Variants in TTC33 observed in about 807,000 individuals in gnomAD.
The protein encoded by TTC33 is tetratricopeptide repeat protein 33.
In TTC33, 24 loss-of-function variants were observed where a neutral mutation model predicts 29.4. That is an observed-to-expected ratio of 0.82 (90% confidence interval 0.59 to 1.15). The LOEUF (loss-of-function observed/expected upper bound fraction) is 1.15, where lower values mean the gene tolerates loss of function less well. TTC33 is among the 50% of genes most tolerant of loss of function. TTC33 has a pLI of 0.00. For synonymous variants in TTC33, 107 were observed against 100.3 expected (o/e 1.07, Z -0.40); for missense variants, 286 against 310.4 (o/e 0.92, Z 0.59).
intron 4 of TTC33, among the ~76,000 whole-genome samples, chr5:40,722,247 G>C (rs952669103): frequency 2.0e-5 from 3 of 152,098 alleles, no homozygotes; most frequent in African/African-American, 7.2e-5. Context: ...GCGTGATCTC[G>C]GCTCGCTGCA....
At chr5:40,724,783 T>TA (rs1742240913) in intron 4 of TTC33, among the ~76,000 whole-genome samples, 1 of 151,680 alleles carries the variant, frequency 6.6e-6, no homozygotes, top group South Asian at 2.1e-4. Flanking sequence ...TATTCAATTA[T>TA]AAAAAAGATA....
chr5:40,754,509 ACT>A (rs1742950730), intron 1 of TTC33, among the ~76,000 whole-genome samples: 1 of 152,226 alleles, frequency 6.6e-6, no homozygotes, highest in South Asian at 2.1e-4. Context: ...TAAAATAGTC[ACT>A]GTGGAGATAA....
intron 2 of TTC33, among the ~76,000 whole-genome samples, chr5:40,746,330 T>C (rs1742787157): frequency 6.6e-6 from 1 of 152,198 alleles, no homozygotes; most frequent in Non-Finnish European, 1.5e-5. Context: ...GTACAGCAAG[T>C]CATATTTACT....
At chr5:40,723,471 C>G (rs1458346775) in intron 4 of TTC33, among the ~76,000 whole-genome samples, 2 of 149,434 alleles carry the variant, frequency 1.3e-5, no homozygotes, top group Non-Finnish European at 3.0e-5. Flanking sequence ...TTAAAAACCT[C>G]AAAGCATAGG....
At chr5:40,723,113 G>C (rs914863892) in intron 4 of TTC33, among the ~76,000 whole-genome samples, 2 of 152,170 alleles carry the variant, frequency 1.3e-5, no homozygotes, top group African/African-American at 4.8e-5. Context: ...GCCTTGGGAT[G>C]CTGTTAATCT....
chr5:40,738,269 A>C (rs966668376), intron 2 of TTC33, among the ~76,000 whole-genome samples: 1 of 151,656 alleles, frequency 6.6e-6, no homozygotes, highest in African/African-American at 2.4e-5. Context: ...AAAATTAGCC[A>C]GGCATAGAGT....
Position 40,746,957 on chromosome 5 carries a change from T to C in TTC33, c.62A>G (p.Gln21Arg). ...GEKVSKVTSQQFEAEAADEKD... is the reference protein window; with the variant it reads ...GEKVSKVTSQRFEAEAADEKD... Reference sequence around the variant, plus strand: ...CTCATCAGCAGCTTCAGCTTCAAACTGCTGGGAAGTGACCTTTGAGACCTT... The same window carrying C: ...CTCATCAGCAGCTTCAGCTTCAAACCGCTGGGAAGTGACCTTTGAGACCTT... The change falls in exon 2 of 5, where the codon CAG becomes CGG. Residue 21 changes from glutamine to arginine, a missense_variant. Gln to Arg is a conservative substitution (Grantham distance 43). Transcript: ENST00000337702. 1 of 1,614,230 alleles carries C rather than the reference T, an allele frequency of 6.2e-7. No individual in the cohort carries two copies.
intron 2 of TTC33, among the ~76,000 whole-genome samples, chr5:40,745,993 C>G (rs1742781553): frequency 6.6e-6 from 1 of 152,100 alleles, no homozygotes; most frequent in African/African-American, 2.4e-5. Context: ...ATATTTTCTT[C>G]TATTAATTGC....
chr5:40,726,007 A>G (rs369871220), intron 4 of TTC33, among the ~76,000 whole-genome samples: 16 of 151,528 alleles, frequency 1.1e-4, no homozygotes, highest in Admixed American at 6.6e-4. Context: ...GGATGGTCTC[A>G]ATCTCCTGAC....
At chr5:40,729,094 T>G (rs1158805331) in intron 3 of TTC33, among the ~76,000 whole-genome samples, 1 of 152,204 alleles carries the variant, frequency 6.6e-6, no homozygotes, top group African/African-American at 2.4e-5. Flanking sequence ...CTTTAAAAGA[T>G]TTGTGATACA....
At chr5:40,718,228 A>G (rs1742048299) in intron 4 of TTC33, among the ~76,000 whole-genome samples, 1 of 151,374 alleles carries the variant, frequency 6.6e-6, no homozygotes, top group South Asian at 2.1e-4. Flanking sequence ...CAATGACAAA[A>G]CCCCGTCTCT....
At chr5:40,722,272 G>C (rs1261336460) in intron 4 of TTC33, among the ~76,000 whole-genome samples, 2 of 152,174 alleles carry the variant, frequency 1.3e-5, no homozygotes, top group African/African-American at 4.8e-5. Context: ...CCACCTCCCA[G>C]CCGCCTGCCT....
At chr5:40,723,564 T>C (rs1742206785) in intron 4 of TTC33, among the ~76,000 whole-genome samples, 2 of 149,744 alleles carry the variant, frequency 1.3e-5, no homozygotes, top group African/African-American at 4.9e-5. Flanking sequence ...ATGGGTATTA[T>C]CACACACACA....
At chr5:40,720,861 G>T (rs908878306) in intron 4 of TTC33, among the ~76,000 whole-genome samples, 1 of 152,210 alleles carries the variant, frequency 6.6e-6, no homozygotes, top group Non-Finnish European at 1.5e-5. Context: ...TCAAGGGAAA[G>T]AATGAATTGG....
rs1219255876 is a variant in TTC33, at chr5:40,738,439, AAATAAAATACAATACAATACAATAC to A, written c.222-8121_222-8097del. 7.8e-4 allele frequency among the ~76,000 whole-genome samples: 93 copies of A among 119,842 alleles called. 4 individuals carry two copies. Among genetic ancestry groups the A allele is most frequent in the Admixed American group, 3.5e-3 (38 of 10,974 alleles). 78.6% of individuals were successfully genotyped at this position (119,842 alleles called of 152,430 possible). On this transcript the variant is annotated intron_variant, in intron 2 of 4. Coordinates refer to ENST00000337702, the MANE Select transcript of TTC33 (RefSeq NM_012382.3). ...CAAAAATAAAATAAAATAAAATATA[AAATAAAATACAATACAATACAATAC>A]AATACAATACAATACAATACAATAC...
intron 4 of TTC33, among the ~76,000 whole-genome samples, chr5:40,719,543 C>T (rs1445033122): frequency 6.6e-6 from 1 of 152,132 alleles, no homozygotes; most frequent in African/African-American, 2.4e-5. Flanking sequence ...GGACATATGT[C>T]TTCATTTCTC....
rs200588087 is a variant in TTC33, at chr5:40,753,372, AAAAG to A, written c.-2+2448_-2+2451del. On this transcript the variant is annotated intron_variant, in intron 1 of 4. Transcript: ENST00000337702. Reference sequence around the variant, plus strand: ...CGAGCAAAACTCCATCTCAAAAAAAAAAAGAAAGAAAGAAAGAAAGAAAGAAATA... The same window carrying A: ...CGAGCAAAACTCCATCTCAAAAAAAAAAAGAAAGAAAGAAAGAAAGAAATA... Among the ~76,000 whole-genome samples the A allele has an allele frequency of 1.8e-3, 275 of 151,322 alleles. 6 individuals are homozygous for A. The South Asian group carries it at 0.029, about 16-fold the overall frequency.
At position 40,716,262 on chromosome 5, in the gene TTC33, TGTC is replaced by T. The variant is rs746099227; in HGVS notation, c.669_671del (p.Thr224del). ...TAACCATTGTTTTATTTGCTGAAAC[TGTC>T]TTCTCTTTCTCAGCAATAGCTGCAC... is the stretch of plus-strand genomic sequence containing the variant. On this transcript the variant is annotated inframe_deletion, in exon 5 of 5. Transcript: ENST00000337702. 1 of 1,614,240 alleles carries T rather than the reference TGTC, an allele frequency of 6.2e-7. No homozygotes were observed. The highest frequency in any genetic ancestry group is 1.1e-5 in the South Asian group (1 of 91,084).
chr5:40,717,229 CAA>C (rs35359209), intron 4 of TTC33, among the ~76,000 whole-genome samples: 9 of 108,880 alleles, frequency 8.3e-5, no homozygotes, highest in African/African-American at 1.0e-4. Context: ...AACTCCATCT[CAA>C]AAAAAAAAAA....
Sources: gnomAD v4.1 joint callset for allele counts (sites outside exome capture counted in the v4.1 genomes callset) on GRCh38, gnomAD v4.1.1 for gene constraint, MANE v1.5 for transcripts, NCBI Gene and HGNC (gene_info 2026-07-23, HGNC 2026-07-21) for gene names.